TMEM230: variants seen among roughly 807,000 people sequenced by gnomAD.
The protein encoded by TMEM230 is transmembrane protein 230.
TMEM230 carries 10 observed loss-of-function variants against 15.8 expected under a neutral mutation model. The ratio of observed to expected loss-of-function variants is 0.63; its 90% CI spans 0.39 to 1.07. The LOEUF (loss-of-function observed/expected upper bound fraction) is 1.07. Among genes scored for constraint, TMEM230 ranks in the 50% least tolerant of loss-of-function variants. The pLI, the probability that TMEM230 is intolerant of heterozygous loss-of-function variation, is 0.01. For missense variants in TMEM230, 165 were observed against 193.3 expected (o/e 0.85, Z 0.87); for synonymous variants, 67 against 76.9 (o/e 0.87, Z 0.68).
chr20:5,070,919 CT>C (rs967726854), intron 3 of TMEM230, among the ~76,000 whole-genome samples: 6 of 151,668 alleles, frequency 4.0e-5, no homozygotes, highest in Admixed American at 1.3e-4. Flanking sequence ...TCCTGATTAA[CT>C]TTTTTTTTGG....
chr20:5,094,782 C>CCCA lies in TMEM230; in HGVS notation c.222+11403_222+11405dup, dbSNP rs1257961330. On this transcript the variant is annotated intron_variant, in intron 3 of 3. Transcript: ENST00000612323. ...CGAACTCTTGGCCTCAAGGGATCCT[C>CCCA]CCACCTTGGCCTCCTAAGTAGTTAG... Among the ~76,000 whole-genome samples the CCCA allele has an allele frequency of 2.0e-5, 3 of 151,340 alleles. No individual in the cohort carries two copies. The East Asian group carries it at 5.9e-4, about 30-fold the overall frequency.
exon 4 of TMEM230, chr20:5,069,289 G>C (rs1017823880): frequency 6.5e-7 from 1 of 1,535,786 alleles, no homozygotes; most frequent in African/African-American, 1.4e-5. Flanking sequence ...ATGTACCCAC[G>C]GGATGCTGGT....
At chr20:5,103,976 A>AG in intron 4 of TMEM230, among the ~76,000 whole-genome samples, 2 of 152,320 alleles carry the variant, frequency 1.3e-5, no homozygotes, top group East Asian at 3.9e-4. Context: ...TGTACAGCAA[A>AG]GGAAGAGACA....
At chr20:5,112,574 A>T in intron 1 of TMEM230, 1 of 646,200 alleles carries the variant, frequency 1.5e-6, no homozygotes, top group Non-Finnish European at 2.1e-6. Flanking sequence ...AAAAATAAAA[A>T]CGAGCATTTT....
At chr20:5,108,253 C>T (rs540624610) in intron 3 of TMEM230, among the ~76,000 whole-genome samples, 1 of 152,110 alleles carries the variant, frequency 6.6e-6, no homozygotes, top group African/African-American at 2.4e-5. Context: ...AACACTGTCT[C>T]TACTAAAAAT....
rs1287636328 is a variant in TMEM230 at position 5,107,838 on chromosome 20, G to A, written c.288+1494C>T. 2.0e-5 allele frequency among the ~76,000 whole-genome samples: 3 copies of A among 150,060 alleles called. No homozygotes were observed. The South Asian group carries it at 6.3e-4, about 32-fold the overall frequency. On this transcript the variant is annotated intron_variant, in intron 3 of 4. Coordinates refer to ENST00000342308, the MANE Select transcript of TMEM230 (RefSeq NM_001009923.2). ...CAAAAAAAAAAAAAAAAGGCTGGGCGCGGTGACTCACGCCTGTAATTCCAG... is the reference window on the plus strand; with the variant it reads ...CAAAAAAAAAAAAAAAAGGCTGGGCACGGTGACTCACGCCTGTAATTCCAG...
chr20:5,108,076 G>A (rs1467484647), intron 3 of TMEM230, among the ~76,000 whole-genome samples: 4 of 152,032 alleles, frequency 2.6e-5, no homozygotes. Flanking sequence ...TTGCACCACT[G>A]CAGTCCAGCC....
In TMEM230 at chr20:5,106,293, A is replaced by T. The variant is rs6116651; in HGVS notation, c.306T>A (p.Pro102=). The T allele has an allele frequency of 0.11, 178,633 of 1,606,410 alleles. 12,030 individuals carry two copies. The highest frequency in any genetic ancestry group is 0.3 in the African/African-American group (22,377 of 74,356). The change falls in exon 4 of 5, where the codon CCT becomes CCA. Residue 102 remains proline, a synonymous_variant. Coordinates refer to ENST00000342308, the MANE Select transcript of TMEM230 (RefSeq NM_001009923.2). ...GTGCGATGGCCTTATAAGGGATCTT[A>T]GGAGGGGTTTTCTTAAACTGGAAGA...
downstream of TMEM230, among the ~76,000 whole-genome samples, chr20:5,099,396 C>A (rs1334084966): frequency 6.6e-6 from 1 of 151,980 alleles, no homozygotes; most frequent in African/African-American, 2.4e-5. Flanking sequence ...ACTCCCCAGT[C>A]AACATTCCCA....
chr20:5,084,406 T>C (rs1173884269), intron 3 of TMEM230, among the ~76,000 whole-genome samples: 1 of 151,994 alleles, frequency 6.6e-6, no homozygotes, highest in Non-Finnish European at 1.5e-5. Context: ...GTATTTTTAG[T>C]AGAGACGGGG....
At chr20:5,096,641 C>A (rs897896440), downstream of TMEM230, among the ~76,000 whole-genome samples, 8 of 152,170 alleles carry the variant, frequency 5.3e-5, no homozygotes, top group African/African-American at 1.9e-4. Flanking sequence ...TTGGCCTGGG[C>A]AGAGGGTGCC....
intron 3 of TMEM230, among the ~76,000 whole-genome samples, chr20:5,078,029 A>G (rs2063556059): frequency 7.2e-6 from 1 of 138,284 alleles, no homozygotes; most frequent in South Asian, 2.1e-4. Flanking sequence ...TTCATGAATG[A>G]CACACAGACA....
chr20:5,104,711 T>A (rs1038952859), intron 4 of TMEM230, among the ~76,000 whole-genome samples: 1 of 152,186 alleles, frequency 6.6e-6, no homozygotes, highest in Non-Finnish European at 1.5e-5. Flanking sequence ...TGAGATCCTG[T>A]CACTTGCAAC....
At chr20:5,069,452 T>G (rs1373316080) in intron 3 of TMEM230, 3 of 1,203,002 alleles carry the variant, frequency 2.5e-6, no homozygotes, top group Non-Finnish European at 3.4e-6. Context: ...ATTTTGGTGC[T>G]CCACAACACT....
intron 1 of TMEM230, chr20:5,112,730 G>A: frequency 6.9e-7 from 1 of 1,442,696 alleles, no homozygotes; most frequent in Non-Finnish European, 9.1e-7. Context: ...CTCTACATAC[G>A]TTATTCTCCT....
At chr20:5,074,806 T>G (rs2088936375) in intron 3 of TMEM230, among the ~76,000 whole-genome samples, 1 of 152,136 alleles carries the variant, frequency 6.6e-6, no homozygotes, top group African/African-American at 2.4e-5. Context: ...AACATTTTAT[T>G]GCCTTTTAAA....
chr20:5,069,849 A>C (rs943322846), intron 3 of TMEM230, among the ~76,000 whole-genome samples: 1 of 152,120 alleles, frequency 6.6e-6, no homozygotes, highest in Admixed American at 6.5e-5. Flanking sequence ...GGCTGGGATT[A>C]CATGCATGCA....
chr20:5,099,237 AATC>A (rs1568496492), downstream of TMEM230, among the ~76,000 whole-genome samples: 1,036 of 30,908 alleles, frequency 0.034, 11 homozygotes, highest in African/African-American at 0.13. Flanking sequence ...TAAATAAATC[AATC>A]AATCAATAAT....
At chr20:5,064,748 A>G (rs150181876), downstream of TMEM230, among the ~76,000 whole-genome samples, 380 of 152,346 alleles carry the variant, frequency 2.5e-3, 3 homozygotes, top group African/African-American at 8.8e-3. Flanking sequence ...CCAAATGCTA[A>G]TTCAATGAAG....
Sources: allele counts gnomAD v4.1 joint callset (sites outside exome capture counted in the v4.1 genomes callset), GRCh38; gene constraint gnomAD v4.1.1; transcripts MANE v1.5; gene names NCBI Gene and HGNC (gene_info 2026-07-23, HGNC 2026-07-21).